The following ATG2B variants were observed in gnomAD, a reference collection of about 807,000 sequenced individuals.
The protein encoded by ATG2B is autophagy-related protein 2 homolog B.
A neutral mutation model predicts 241.3 loss-of-function variants in ATG2B; 121 were observed. That is an observed-to-expected ratio of 0.50 (90% confidence interval 0.43 to 0.58). The LOEUF (loss-of-function observed/expected upper bound fraction) is 0.58, where lower values mean the gene tolerates loss of function less well. Ranked by LOEUF, ATG2B falls within the 20% of genes least tolerant of loss-of-function variation. The probability of loss-of-function intolerance (pLI) is 0.00; values close to 1 mark genes in which losing one functional copy is unlikely to be tolerated. For missense variants in ATG2B, 2,306 were observed against 2,491.6 expected, an observed-to-expected ratio of 0.93 and a Z score of 1.59; for synonymous variants, 858 against 876.6, an observed-to-expected ratio of 0.98 and a Z score of 0.37.
chr14:96,326,643 TACGTTGTA>T (rs1321181018), intron 14 of ATG2B, among the ~76,000 whole-genome samples: 3 of 152,206 alleles, frequency 2.0e-5, no homozygotes, highest in Non-Finnish European at 4.4e-5. Context: ...TATTCCACTC[TACGTTGTA>T]ACACTCCTCA....
chr14:96,312,014 T>C lies in ATG2B; in HGVS notation c.3913+75A>G, dbSNP rs1048677482. 17 of 1,105,854 alleles carry C rather than the reference T, an allele frequency of 1.5e-5. No homozygotes were observed. The African/African-American group carries it at 2.5e-4, about 16-fold the overall frequency. The allele number at this position is 1,105,854 out of a possible 1,614,324, so 68.5% of individuals were successfully genotyped here. ...TTAGTTCACTAGCATTATCCCAGAG[T>C]TAAAATGCTTTAAAATTATTTACGC... On this transcript the variant is annotated intron_variant, in intron 26 of 41. Transcript: ENST00000359933.
chr14:96,332,738 T>C, intron 8 of ATG2B, 83 bp from the exon 9 acceptor site: 3 of 1,126,984 alleles, frequency 2.7e-6, no homozygotes, highest in Non-Finnish European at 3.6e-6. Context: ...GTTAATACAA[T>C]CCTCTTCCTT....
intron 1 of ATG2B, among the ~76,000 whole-genome samples, chr14:96,352,653 A>G (rs565594376): frequency 2.0e-5 from 3 of 151,422 alleles, no homozygotes; most frequent in African/African-American, 4.9e-5. Context: ...TGCTTATAGC[A>G]TAAGAATATA....
Position 96,311,589 on chromosome 14 carries a change from A to C in ATG2B, c.3943T>G (p.Leu1315Val). Residue 1315 changes from leucine to valine, a missense_variant, in exon 27 of 42, where the codon TTG becomes GTG. Physicochemically the swap from Leu to Val is conservative, Grantham distance 32. Around this residue, in one of 2 missense-constraint regions of ATG2B, gnomAD observed 1,927 missense variants for 2,011.2 expected, o/e 0.96. Transcript: ENST00000359933. ...DYVRVMDMGL[L>V]ELTITAVKSD... ...TTCACTGCAGTTATGGTTAACTCCA[A>C]AAGCCCCATATCCATCACACGAACA... The C allele has an allele frequency of 6.2e-7, 1 of 1,609,702 alleles. No homozygotes were observed. The highest frequency in any genetic ancestry group is 1.3e-5 in the African/African-American group (1 of 74,980).
At position 96,283,688 on chromosome 14, in the gene ATG2B, T is replaced by C. The variant is rs1886261662; in HGVS notation, c.*2067A>G. The C allele has an allele frequency of 6.6e-6, 1 of 152,150 alleles. No individual in the cohort carries two copies. The highest frequency in any genetic ancestry group is 2.4e-5 in the African/African-American group (1 of 41,446). The allele number at this position is 152,150 out of a possible 1,614,324, so 9.4% of individuals were successfully genotyped here. A position where few individuals can be genotyped will look rare whatever the true frequency, so the allele number is the denominator to read the frequency against. On this transcript the variant is annotated 3_prime_UTR_variant, in exon 42 of 42. Coordinates refer to ENST00000359933, the MANE Select transcript of ATG2B (RefSeq NM_018036.7). Reference sequence around the variant, plus strand: ...ACACCAAAGTCTGAAAAGACACTTGTAAAAAAGAAAAAGCTTAAGGACATT... The same window carrying C: ...ACACCAAAGTCTGAAAAGACACTTGCAAAAAAGAAAAAGCTTAAGGACATT...
intron 12 of ATG2B, 34 bp from the exon 13 acceptor site, chr14:96,328,800 T>G (rs1262533744): frequency 4.0e-6 from 6 of 1,503,884 alleles, no homozygotes; most frequent in Non-Finnish European, 5.5e-6. Context: ...ATTAAATGTA[T>G]TAATCACAAG....
intron 7 of ATG2B, 98 bp from the exon 8 acceptor site, chr14:96,333,971 T>A: frequency 2.0e-6 from 2 of 1,001,224 alleles, no homozygotes. Context: ...AATGGCAACT[T>A]AACACCACAG....
At chr14:96,292,345 A>G (rs1229004973) in intron 36 of ATG2B, among the ~76,000 whole-genome samples, 1 of 152,192 alleles carries the variant, frequency 6.6e-6, no homozygotes, top group African/African-American at 2.4e-5. Context: ...TTTCTTAGTT[A>G]CGTCTATATA....
intron 29 of ATG2B, among the ~76,000 whole-genome samples, 174 bp downstream of exon 29, chr14:96,309,279 T>C (rs1212854197): frequency 6.6e-6 from 1 of 152,208 alleles, no homozygotes; most frequent in African/African-American, 2.4e-5. Context: ...GACACCAGCC[T>C]GGCCAGAGTT....
chr14:96,362,302 G>A (rs928028396), intron 1 of ATG2B, among the ~76,000 whole-genome samples: 5 of 152,106 alleles, frequency 3.3e-5, no homozygotes, highest in African/African-American at 1.2e-4. Flanking sequence ...GGCACAAGAG[G>A]CCTTCACCTA....
intron 1 of ATG2B, among the ~76,000 whole-genome samples, chr14:96,357,727 T>A (rs1888517183): frequency 6.6e-6 from 1 of 151,902 alleles, no homozygotes; most frequent in Admixed American, 6.6e-5. Flanking sequence ...ATTAAAAAAA[T>A]GGCCCATCAT....
In ATG2B at chr14:96,306,822, G is replaced by A. The variant is rs143355317; in HGVS notation, c.4398C>T (p.Gly1466=). Residue 1466 remains glycine (G), a synonymous_variant, in exon 30 of 42, where the codon GGC becomes GGT. Transcript: ENST00000359933. The part of the protein sequence containing the change: ...DESGNVSQES[G]PTYASFSHHF... ...GGTGAGAGAATGAGGCATAGGTGGG[G>A]CCGGACTCCTGGGATACATTCCCAC... 3.4e-4 allele frequency: 542 copies of A among 1,614,072 alleles called. 7 individuals carry two copies. In the South Asian group the frequency reaches 5.2e-3, roughly 15 times the overall value.
At chr14:96,316,186 G>A (rs995442127) in intron 21 of ATG2B, among the ~76,000 whole-genome samples, 1 of 152,206 alleles carries the variant, frequency 6.6e-6, no homozygotes, top group Non-Finnish European at 1.5e-5. Flanking sequence ...GAGAGCGGAA[G>A]GGGTGAAAGT....
chr14:96,343,463 C>T (rs1287357103), intron 4 of ATG2B, among the ~76,000 whole-genome samples, 182 bp from the exon 5 acceptor site: 1 of 151,916 alleles, frequency 6.6e-6, no homozygotes, highest in Non-Finnish European at 1.5e-5. Context: ...CAATAAGAAA[C>T]GCACATAGCT....
At chr14:96,351,450 A>T (rs1463961763) in intron 1 of ATG2B, among the ~76,000 whole-genome samples, 1 of 152,148 alleles carries the variant, frequency 6.6e-6, no homozygotes, top group Non-Finnish European at 1.5e-5. Context: ...AAAATACAAA[A>T]ATTGGCCAGG....
chr14:96,306,077 TA>T (rs913541785), intron 30 of ATG2B, among the ~76,000 whole-genome samples: 1 of 152,206 alleles, frequency 6.6e-6, no homozygotes, highest in African/African-American at 2.4e-5. Context: ...TGTTTGATAA[TA>T]AAAAAGCACA....
chr14:96,297,587 G>A (rs891689624), intron 34 of ATG2B, among the ~76,000 whole-genome samples: 1 of 151,972 alleles, frequency 6.6e-6, no homozygotes, highest in South Asian at 2.1e-4. Context: ...TAGTAGAGAC[G>A]GGGTTTCATC....
chr14:96,322,020 TCAGGC>T, intron 18 of ATG2B, 87 bp downstream of exon 18: 3 of 917,598 alleles, frequency 3.3e-6, no homozygotes. Flanking sequence ...CATATAATAT[TCAGGC>T]AAGGAAAGGA....
intron 22 of ATG2B, 54 bp from the exon 23 acceptor site, chr14:96,315,288 C>T (rs1198842826): frequency 4.4e-6 from 7 of 1,587,470 alleles, no homozygotes. Flanking sequence ...TCCTATAACT[C>T]AAAAGTTTTT....
Sources: allele counts gnomAD v4.1 joint callset (sites outside exome capture counted in the v4.1 genomes callset), GRCh38; gene constraint gnomAD v4.1.1; regional missense constraint gnomAD v4.1.1; transcripts MANE v1.5; gene names NCBI Gene and HGNC (gene_info 2026-07-23, HGNC 2026-07-21).